MCC: variants seen among roughly 807,000 people sequenced by gnomAD.
MCC encodes the protein colorectal mutant cancer protein.
MCC carries 90 observed loss-of-function variants against 116.2 expected under a neutral mutation model. The ratio of observed to expected loss-of-function variants is 0.77; its 90% confidence interval spans 0.65 to 0.92. MCC has a LOEUF of 0.92. Ranked by LOEUF, MCC falls within the 40% of genes least tolerant of loss-of-function variation. MCC has a pLI of 0.00. For synonymous variants in MCC, 578 were observed against 510.5 expected (o/e 1.13, Z -1.78); for missense variants, 1,516 against 1,312.2 (o/e 1.16, Z -2.40).
intron 3 of MCC, among the ~76,000 whole-genome samples, chr5:113,297,093 C>T (rs1167477669): frequency 6.6e-6 from 1 of 152,224 alleles, no homozygotes; most frequent in Non-Finnish European, 1.5e-5. Flanking sequence ...TTATACTTCA[C>T]ATAAGATTCA....
intron 3 of MCC, among the ~76,000 whole-genome samples, chr5:113,157,054 T>C (rs1760211273): frequency 6.6e-6 from 1 of 151,990 alleles, no homozygotes; most frequent in African/African-American, 2.4e-5. Context: ...ATATCTGCTG[T>C]GTGACAAAAG....
chr5:113,433,633 G>T (rs1306363862), intron 1 of MCC: 8 of 1,350,588 alleles, frequency 5.9e-6, no homozygotes, highest in Middle Eastern at 2.0e-4. Flanking sequence ...TGAAAATAGA[G>T]GCTCATCTGG....
chr5:113,231,765 T>C (rs1156402581), intron 3 of MCC, among the ~76,000 whole-genome samples: 1 of 152,158 alleles, frequency 6.6e-6, no homozygotes, highest in African/African-American at 2.4e-5. Flanking sequence ...GTATTGAACT[T>C]TGAGACAAAT....
At position 113,130,476 on chromosome 5, in the gene MCC, T is replaced by TA. The variant is rs545498127; in HGVS notation, c.885-7651dup. On this transcript the variant is annotated intron_variant, in intron 5 of 18. Transcript: ENST00000408903. ...ATGTATCCCAGAACTTAGGTATAAT[T>TA]AAAAAAAATGAAAAAAAGGCAATAT... Among the ~76,000 whole-genome samples the TA allele has an allele frequency of 1.9e-4, 29 of 151,984 alleles. No individual in the cohort carries two copies. The South Asian group carries it at 2.5e-3, about 13-fold the overall frequency.
intron 1 of MCC, among the ~76,000 whole-genome samples, chr5:113,449,334 G>A (rs1204092316): frequency 6.6e-6 from 1 of 152,202 alleles, no homozygotes; most frequent in East Asian, 1.9e-4. Context: ...AGGTCTTCCT[G>A]TATATATGAA....
chr5:113,320,488 G>A (rs1186695195), intron 3 of MCC, among the ~76,000 whole-genome samples: 1 of 150,248 alleles, frequency 6.7e-6, no homozygotes, highest in Non-Finnish European at 1.5e-5. Flanking sequence ...TGTCATCTTG[G>A]GAGGAACACA....
chr5:113,296,887 A>C (rs1321704935), intron 3 of MCC, among the ~76,000 whole-genome samples: 2 of 152,138 alleles, frequency 1.3e-5, no homozygotes, highest in Non-Finnish European at 2.9e-5. Flanking sequence ...CCCTAAAACC[A>C]AGCAGATGAC....
At chr5:113,148,599 A>C (rs1183429517) in intron 4 of MCC, among the ~76,000 whole-genome samples, 1 of 152,238 alleles carries the variant, frequency 6.6e-6, no homozygotes, top group Admixed American at 6.5e-5. Context: ...GCTCTTCTAC[A>C]ATCTGGTAAA....
At chr5:113,439,362 G>GACACAC (rs1770960878) in intron 1 of MCC, among the ~76,000 whole-genome samples, 3 of 152,108 alleles carry the variant, frequency 2.0e-5, no homozygotes, top group Non-Finnish European at 4.4e-5. Flanking sequence ...AGACACACGA[G>GACACAC]GCCTTGAAGC....
rs374249694 is a variant in MCC at position 113,162,981 on chromosome 5, A to C, written c.628-11559T>G. Among the ~76,000 whole-genome samples, 51 of 152,316 alleles carry C rather than the reference A, an allele frequency of 3.3e-4. 1 individual carries two copies. The South Asian group carries it at 0.01, about 30-fold the overall frequency. ...AGCCTAGATCACATTAATCAGAGTA[A>C]TCTAGAGTCTGCCTTTCAACACGTG... On this transcript the variant is annotated intron_variant, in intron 3 of 18. Transcript: ENST00000408903.
intron 1 of MCC, among the ~76,000 whole-genome samples, chr5:113,438,194 G>A (rs1770916999): frequency 6.6e-6 from 1 of 152,104 alleles, no homozygotes; most frequent in Non-Finnish European, 1.5e-5. Context: ...CCTTATTTTT[G>A]GGTTGTGGGG....
intron 5 of MCC, among the ~76,000 whole-genome samples, chr5:113,134,736 A>G (rs1427902579): frequency 6.6e-6 from 1 of 151,408 alleles, no homozygotes. Flanking sequence ...TTTGTGTGTG[A>G]AAAATCAGAC....
intron 14 of MCC, among the ~76,000 whole-genome samples, chr5:113,061,619 G>T (rs550954359): frequency 6.6e-6 from 1 of 152,304 alleles, no homozygotes; most frequent in African/African-American, 2.4e-5. Flanking sequence ...TCTCCTTGCT[G>T]GTTAACTACC....
At chr5:113,207,632 T>G (rs1376664490) in intron 3 of MCC, among the ~76,000 whole-genome samples, 5 of 152,216 alleles carry the variant, frequency 3.3e-5, no homozygotes, top group Non-Finnish European at 7.3e-5. Flanking sequence ...AAAATGATTC[T>G]CAGCAGGGCT....
chr5:113,471,124 A>T (rs1772077541), intron 1 of MCC, among the ~76,000 whole-genome samples: 1 of 70,436 alleles, frequency 1.4e-5, no homozygotes, highest in African/African-American at 6.8e-5. Context: ...CATTGGTTCG[A>T]ATTTCCTCCT....
chr5:113,159,725 G>A (rs1760377130), intron 3 of MCC, among the ~76,000 whole-genome samples: 1 of 152,190 alleles, frequency 6.6e-6, no homozygotes, highest in African/African-American at 2.4e-5. Context: ...AAAGGGTAGT[G>A]TTCCCTGCTA....
At chr5:113,164,401 T>A (rs1023277083) in intron 3 of MCC, among the ~76,000 whole-genome samples, 1 of 152,138 alleles carries the variant, frequency 6.6e-6, no homozygotes, top group Non-Finnish European at 1.5e-5. Flanking sequence ...TACTCCAAAC[T>A]CTCCAAGTAA....
chr5:113,102,730 G>A (rs185913826), intron 7 of MCC, among the ~76,000 whole-genome samples: 34 of 152,366 alleles, frequency 2.2e-4, no homozygotes, highest in Admixed American at 4.6e-4. Context: ...CACATTTACT[G>A]TCCTTTGAAA....
At chr5:113,104,165 GC>G in intron 7 of MCC, 26 bp downstream of exon 7, 2 of 1,573,220 alleles carry the variant, frequency 1.3e-6, no homozygotes, top group Non-Finnish European at 1.7e-6. Flanking sequence ...ACCTCAAAGG[GC>G]CTCACAGAGG....
Sources: allele counts gnomAD v4.1 joint callset (sites outside exome capture counted in the v4.1 genomes callset), GRCh38; gene constraint gnomAD v4.1.1; transcripts MANE v1.5; gene names NCBI Gene and HGNC (gene_info 2026-07-23, HGNC 2026-07-21).